The following TXNRD2 variants were observed in gnomAD, a reference collection of about 807,000 sequenced individuals.
TXNRD2 encodes thioredoxin reductase 2.
A neutral mutation model predicts 70.8 loss-of-function variants in TXNRD2; 67 were observed. The observed-to-expected ratio is 0.95, with a 90% CI of 0.78 to 1.16. TXNRD2 has a LOEUF of 1.16. TXNRD2 is among the 50% of genes most tolerant of loss of function. The pLI is 0.00. For synonymous variants in TXNRD2, 301 were observed against 295.8 expected (o/e 1.02, Z -0.18); for missense variants, 644 against 719.9 (o/e 0.89, Z 1.21).
chr22:19,892,758 C>T lies in TXNRD2; in HGVS notation c.949+2649G>A, dbSNP rs1244785626. ...GGCGCGGTGGGAGGGAGAAACTCGC[C>T]ACCTCCCCTTTAGAGTGGAGTTTAT... On this transcript the variant is annotated intron_variant, in intron 11 of 17. Coordinates refer to ENST00000400521, the MANE Select transcript of TXNRD2 (RefSeq NM_006440.5). 2.0e-5 allele frequency among the ~76,000 whole-genome samples: 3 copies of T among 152,262 alleles called. No homozygotes were observed. The East Asian group carries it at 5.8e-4, about 29-fold the overall frequency.
chr22:19,925,372 AC>A (rs1431809645), intron 2 of TXNRD2, among the ~76,000 whole-genome samples: 2 of 151,856 alleles, frequency 1.3e-5, no homozygotes, highest in East Asian at 3.8e-4. Context: ...AGAATTCATT[AC>A]CCCCAGAGCC....
chr22:19,882,629 C>T (rs1938831920), intron 12 of TXNRD2, among the ~76,000 whole-genome samples: 1 of 152,232 alleles, frequency 6.6e-6, no homozygotes, highest in Non-Finnish European at 1.5e-5. Flanking sequence ...GGTCTCGCTA[C>T]AAAGAAGCTC....
intron 1 of TXNRD2, among the ~76,000 whole-genome samples, chr22:19,941,245 A>C (rs1032561782): frequency 6.6e-5 from 10 of 152,086 alleles, no homozygotes; most frequent in African/African-American, 2.2e-4. Flanking sequence ...TATTGTCCTG[A>C]TTTAGTTAAC....
At chr22:19,881,410 G>A (rs886329091) in intron 12 of TXNRD2, 14 of 239,366 alleles carry the variant, frequency 5.8e-5, no homozygotes, top group African/African-American at 9.0e-5. Flanking sequence ...GGCGGGCGGC[G>A]CACAGCACAC....
intron 11 of TXNRD2, among the ~76,000 whole-genome samples, chr22:19,888,286 G>C (rs1384635327): frequency 6.6e-6 from 1 of 152,182 alleles, no homozygotes; most frequent in East Asian, 1.9e-4. Context: ...CCAGGAGATG[G>C]AGGGCAGCCA....
intron 2 of TXNRD2, among the ~76,000 whole-genome samples, chr22:19,920,935 T>C (rs1940882930): frequency 6.6e-6 from 1 of 151,602 alleles, no homozygotes; most frequent in South Asian, 2.1e-4. Context: ...ACCCTGTCTC[T>C]ACTAAAAAAT....
At chr22:19,904,209 A>C (rs929100105) in intron 8 of TXNRD2, among the ~76,000 whole-genome samples, 1 of 151,992 alleles carries the variant, frequency 6.6e-6, no homozygotes, top group South Asian at 2.1e-4. Context: ...ACCCACCCAC[A>C]AGCTCACACT....
intron 2 of TXNRD2, among the ~76,000 whole-genome samples, chr22:19,920,064 T>A (rs1261193915): frequency 1.3e-5 from 2 of 152,088 alleles, no homozygotes; most frequent in Admixed American, 1.3e-4. Flanking sequence ...CCCCTTCCCA[T>A]CCCAGCCAGA....
chr22:19,934,565 T>C (rs1484635811), intron 1 of TXNRD2, among the ~76,000 whole-genome samples: 3 of 141,736 alleles, frequency 2.1e-5, no homozygotes, highest in African/African-American at 7.7e-5. Flanking sequence ...TATACTTTTT[T>C]CTTTTTTTTT....
chr22:19,894,795 C>T, intron 11 of TXNRD2: 1 of 348,336 alleles, frequency 2.9e-6, no homozygotes, highest in South Asian at 2.3e-5. Flanking sequence ...TGAGACCATC[C>T]TGGCCTACAT....
chr22:19,904,451 G>GGAGGA (rs1337802409), intron 8 of TXNRD2, among the ~76,000 whole-genome samples: 1 of 152,258 alleles, frequency 6.6e-6, no homozygotes, highest in African/African-American at 2.4e-5. Context: ...TGCAAACAAA[G>GGAGGA]GAGGAAGGGG....
At chr22:19,895,292 CGCCTGGCAGCCAGCAGGAT>C in intron 11 of TXNRD2, 96 bp downstream of exon 11, 1 of 1,594,976 alleles carries the variant, frequency 6.3e-7, no homozygotes, top group South Asian at 1.1e-5. Context: ...GCGGCCAACC[CGCCTGGCAGCCAGCAGGAT>C]GGGGGAGCCC....
chr22:19,892,450 G>T (rs1050626261), intron 11 of TXNRD2, among the ~76,000 whole-genome samples: 71 of 152,402 alleles, frequency 4.7e-4, no homozygotes, highest in African/African-American at 1.6e-3. Flanking sequence ...ATCATGCCAG[G>T]CAGACTGTCT....
At chr22:19,915,429 T>G (rs1940593684) in intron 6 of TXNRD2, among the ~76,000 whole-genome samples, 153 bp from the exon 7 acceptor site, 1 of 152,112 alleles carries the variant, frequency 6.6e-6, no homozygotes, top group Non-Finnish European at 1.5e-5. Context: ...CCTATGGAGC[T>G]GGAATCCCAT....
intron 1 of TXNRD2, 91 bp downstream of exon 1, chr22:19,941,610 G>A (rs1941717669): frequency 8.9e-6 from 12 of 1,353,714 alleles, no homozygotes; most frequent in Non-Finnish European, 1.1e-5. Flanking sequence ...ACCCCCACGG[G>A]GACACCCTGG....
At chr22:19,933,893 C>G (rs550583866) in intron 1 of TXNRD2, among the ~76,000 whole-genome samples, 3 of 152,356 alleles carry the variant, frequency 2.0e-5, no homozygotes, top group Non-Finnish European at 4.4e-5. Context: ...TTGGCCCCAG[C>G]AAGTGTCTGT....
chr22:19,885,089 G>A lies in TXNRD2; in HGVS notation c.950-1628C>T, dbSNP rs543250244. The stretch of plus-strand genomic sequence containing the variant: ...CCAGTCTCCACACAGCCTGGGGCCC[G>A]GAGAGAGGGCACCGCATGGGCCTCT... On this transcript the variant is annotated intron_variant, in intron 11 of 17. Transcript: ENST00000400521. 2.3e-3 allele frequency among the ~76,000 whole-genome samples: 350 copies of A among 152,274 alleles called. 3 individuals are homozygous for A. The Middle Eastern group carries it at 0.024, about 10-fold the overall frequency.
intron 8 of TXNRD2, among the ~76,000 whole-genome samples, chr22:19,906,499 G>A (rs965743037): frequency 6.6e-6 from 1 of 152,034 alleles, no homozygotes; most frequent in Non-Finnish European, 1.5e-5. Flanking sequence ...GCGAGCGCCT[G>A]TAATCCCAGC....
intron 12 of TXNRD2, chr22:19,881,144 G>A (rs771917988): frequency 1.6e-5 from 7 of 444,466 alleles, no homozygotes; most frequent in East Asian, 3.3e-5. Context: ...TGCTCCTGAC[G>A]TGCAGCTTGA....
Sources: allele counts gnomAD v4.1 joint callset (sites outside exome capture counted in the v4.1 genomes callset), GRCh38; gene constraint gnomAD v4.1.1; transcripts MANE v1.5; gene names NCBI Gene and HGNC (gene_info 2026-07-23, HGNC 2026-07-21).